Variants in WNT2B observed in about 807,000 individuals in gnomAD.
The protein encoded by WNT2B is protein Wnt-2b.
A neutral mutation model predicts 40.5 loss-of-function variants in WNT2B; 19 were observed. The observed-to-expected ratio is 0.47, with a 90% CI of 0.33 to 0.69. The LOEUF is 0.69. Among genes scored for constraint, WNT2B ranks in the 30% least tolerant of loss-of-function variants. The probability of loss-of-function intolerance (pLI) is 0.02; values close to 1 mark genes in which losing one functional copy is unlikely to be tolerated. For synonymous variants in WNT2B, 220 were observed against 211.9 expected (o/e 1.04, Z -0.33); for missense variants, 467 against 556.4 (o/e 0.84, Z 1.62).
chr1:112,491,310 G>A (rs1231686813), intron 1 of WNT2B, among the ~76,000 whole-genome samples: 2 of 152,142 alleles, frequency 1.3e-5, no homozygotes, highest in African/African-American at 2.4e-5. Context: ...GGGAGACTGA[G>A]GCAGGAGAAT....
intron 1 of WNT2B, among the ~76,000 whole-genome samples, chr1:112,478,684 G>A (rs1490814337): frequency 6.6e-6 from 1 of 152,162 alleles, no homozygotes; most frequent in Non-Finnish European, 1.5e-5. Context: ...ATTTTGGAAG[G>A]CTGAGGTGGA....
At chr1:112,473,156 A>AAG (rs1463118780) in intron 1 of WNT2B, among the ~76,000 whole-genome samples, 4 of 139,360 alleles carry the variant, frequency 2.9e-5, no homozygotes, top group South Asian at 2.5e-4. Context: ...GAAGGAAGGA[A>AAG]AAGAAAGAGA....
At chr1:112,488,348 T>C (rs1040025009) in intron 1 of WNT2B, among the ~76,000 whole-genome samples, 1 of 151,796 alleles carries the variant, frequency 6.6e-6, no homozygotes, top group African/African-American at 2.4e-5. Context: ...ACACAAACTC[T>C]AAAATATTTT....
chr1:112,524,014 A>AAAAAAAAACAAAAACAAAC lies in WNT2B; in HGVS notation c.*3507_*3508insAAAAAACAAAAACAAACAA, dbSNP rs1653041971. 4 of 152,242 alleles carry AAAAAAAAACAAAAACAAAC rather than the reference A, an allele frequency of 2.6e-5. No homozygotes were observed. In the South Asian group the frequency reaches 8.3e-4, roughly 32 times the overall value. 9.4% of individuals were successfully genotyped at this position (152,242 alleles called of 1,614,324 possible). A position where few individuals can be genotyped will look rare whatever the true frequency, so the allele number is the denominator to read the frequency against. On this transcript the variant is annotated 3_prime_UTR_variant, in exon 5 of 5. Coordinates refer to ENST00000369684, the MANE Select transcript of WNT2B (RefSeq NM_024494.3). ...GCTTCAGATTAAAAAAAAAAACAAA[A>AAAAAAAAACAAAAACAAAC]AACAAAAAACAAAAACAAACATTGC...
chr1:112,512,112 T>A (rs781382413), intron 1 of WNT2B, among the ~76,000 whole-genome samples: 3 of 151,480 alleles, frequency 2.0e-5, no homozygotes, highest in Non-Finnish European at 4.4e-5. Context: ...CCCGTTTGTG[T>A]CTTTAACATA....
intron 4 of WNT2B, 44 bp from the exon 5 acceptor site, chr1:112,520,236 T>C (rs1285593052): frequency 3.2e-6 from 5 of 1,566,922 alleles, no homozygotes; most frequent in Non-Finnish European, 3.5e-6. Flanking sequence ...CCAGGGCAGC[T>C]GAAGAGATAA....
At chr1:112,489,151 T>C (rs1651515646) in intron 1 of WNT2B, among the ~76,000 whole-genome samples, 1 of 152,020 alleles carries the variant, frequency 6.6e-6, no homozygotes, top group African/African-American at 2.4e-5. Flanking sequence ...GGTAGCAAAT[T>C]GTGGTGGCTA....
chr1:112,486,400 A>C (rs1651419023), intron 1 of WNT2B, among the ~76,000 whole-genome samples: 1 of 152,096 alleles, frequency 6.6e-6, no homozygotes, highest in South Asian at 2.1e-4. Flanking sequence ...CCAAGGTCAC[A>C]CCACTGCACT....
upstream of WNT2B, among the ~76,000 whole-genome samples, chr1:112,508,389 T>TG (rs1171034506): frequency 4.1e-5 from 6 of 147,122 alleles, no homozygotes; most frequent in East Asian, 4.1e-4. This position sits in a 1 kb window ranked among gnomAD's most constrained non-coding sequence, Gnocchi z 4.2. Flanking sequence ...GCATTGGGGG[T>TG]GGGGGGTGCA....
Position 112,520,751 on chromosome 1 carries a change from G to C in WNT2B, c.*242G>C, listed in dbSNP as rs1164082984. ...ATTTCCCGCTCTGGAGATTTGAAGG[G>C]AGAGTAGAAGAGATAGGGGGTCTTT... On this transcript the variant is annotated 3_prime_UTR_variant, in exon 5 of 5. Transcript: ENST00000369684. 1.8e-6 allele frequency: 1 copy of C among 569,754 alleles called. No homozygotes were observed. The highest frequency in any genetic ancestry group is 1.9e-5 in the African/African-American group (1 of 53,496). 35.3% of individuals were successfully genotyped at this position (569,754 alleles called of 1,614,324 possible). A position where few individuals can be genotyped will look rare whatever the true frequency, so the allele number is the denominator to read the frequency against.
intron 1 of WNT2B, among the ~76,000 whole-genome samples, chr1:112,488,329 C>A (rs1024734572): frequency 6.6e-6 from 1 of 151,998 alleles, no homozygotes; most frequent in Admixed American, 6.6e-5. Context: ...AAAACACACA[C>A]ACACACACAC....
intron 1 of WNT2B, among the ~76,000 whole-genome samples, chr1:112,490,135 CAA>C: frequency 7.0e-6 from 1 of 142,176 alleles, no homozygotes; most frequent in Non-Finnish European, 1.6e-5. Flanking sequence ...AAGAAACAAA[CAA>C]GAGAGACACC....
exon 1 of WNT2B, chr1:112,467,498 T>C: frequency 1.3e-6 from 1 of 777,920 alleles, no homozygotes; most frequent in Non-Finnish European, 2.4e-6. Flanking sequence ...TTAACACTGC[T>C]GTCTCCTTTC....
At position 112,467,452 on chromosome 1, in the gene WNT2B, A is replaced by G; in HGVS notation, c.-234A>G. The G allele has an allele frequency of 4.1e-6, 3 of 735,120 alleles. No homozygotes were observed. The South Asian group carries it at 4.4e-5, about 11-fold the overall frequency. The allele number at this position is 735,120 out of a possible 1,614,324, so 45.5% of individuals were successfully genotyped here. ...AGAGCCCAAGCAATGTGGTTGTAAA[A>G]TTTGCAAAATAAGATTAAATCTTAA... On this transcript the variant is annotated 5_prime_UTR_variant, in exon 1 of 5. Transcript: ENST00000256640.
upstream of WNT2B, chr1:112,508,740 C>A (rs1412625088): frequency 5.1e-6 from 5 of 986,170 alleles, no homozygotes; most frequent in Non-Finnish European, 6.0e-6. The surrounding 1 kb of genome is among the most constrained non-coding windows in gnomAD (Gnocchi z 4.2). Context: ...GCGCTTGGGG[C>A]GCAGGAGGGA....
chr1:112,521,662 T>TC lies in WNT2B; in HGVS notation c.*1155dup, dbSNP rs1021895112. ...TCAACAAATCTTTATTTAGTGACTC[T>TC]CCAAGTCCTAGTGATTATTATTATT... On this transcript the variant is annotated 3_prime_UTR_variant, in exon 5 of 5. Coordinates refer to ENST00000369684, the MANE Select transcript of WNT2B (RefSeq NM_024494.3). The TC allele has an allele frequency of 2.0e-5, 3 of 152,210 alleles. No homozygotes were observed. Among genetic ancestry groups the TC allele is most frequent in the African/African-American group, 4.8e-5 (2 of 41,434 alleles). The allele number at this position is 152,210 out of a possible 1,614,324, so 9.4% of individuals were successfully genotyped here.
intron 1 of WNT2B, among the ~76,000 whole-genome samples, chr1:112,480,926 T>C (rs6657499): frequency 0.08 from 12,199 of 152,256 alleles, 681 homozygotes; most frequent in African/African-American, 0.16. Flanking sequence ...CCCAGCACTT[T>C]GGGAGGCCGA....
upstream of WNT2B, among the ~76,000 whole-genome samples, chr1:112,506,006 T>TA (rs138939038): frequency 0.013 from 2,021 of 152,204 alleles, 43 homozygotes; most frequent in African/African-American, 0.046. Context: ...AAATTTTTTT[T>TA]ATTTCTATTT....
rs766920724 is a variant in WNT2B at position 112,520,380 on chromosome 1, C to G, written c.1047C>G (p.Val349=). 10 of 1,614,146 alleles carry G rather than the reference C, an allele frequency of 6.2e-6. No individual in the cohort carries two copies. Among genetic ancestry groups the G allele is most frequent in the Non-Finnish European group, 8.5e-6 (10 of 1,180,028 alleles). ...GCCGAGGGTACGACACAACTCGAGT[C>G]ACCCGTGTTACCCAGTGTGAGTGCA... ...CCGRGYDTTR[V]TRVTQCECKF... Residue 349 remains valine, a synonymous_variant, in exon 5 of 5, where the codon GTC becomes GTG. Transcript: ENST00000369684.
Sources: allele counts gnomAD v4.1 joint callset (sites outside exome capture counted in the v4.1 genomes callset), GRCh38; gene constraint gnomAD v4.1.1; non-coding constraint Gnocchi (gnomAD v3.1); transcripts MANE v1.5; gene names NCBI Gene and HGNC (gene_info 2026-07-23, HGNC 2026-07-21).